The following CDK5RAP2 variants were observed in gnomAD, a reference collection of about 807,000 sequenced individuals.
CDK5RAP2 encodes the protein CDK5 regulatory subunit-associated protein 2.
In CDK5RAP2, 147 loss-of-function variants were observed where a neutral mutation model predicts 232.9. The observed-to-expected ratio is 0.63, with a 90% CI of 0.55 to 0.72. CDK5RAP2 has a LOEUF of 0.72. Among genes scored for constraint, CDK5RAP2 ranks in the 30% least tolerant of loss-of-function variants. The pLI is 0.00. For synonymous variants in CDK5RAP2, 833 were observed against 833.7 expected (o/e 1.00, Z 0.01); for missense variants, 2,195 against 2,231.5 (o/e 0.98, Z 0.33).
chr9:120,491,946 AT>A (rs1051960774), intron 12 of CDK5RAP2, among the ~76,000 whole-genome samples: 2 of 151,814 alleles, frequency 1.3e-5, no homozygotes, highest in East Asian at 1.9e-4. Flanking sequence ...GTAATTTTCC[AT>A]TTTTTTTACT....
intron 4 of CDK5RAP2, 35 bp from the exon 5 acceptor site, chr9:120,545,825 G>A (rs1411148866): frequency 6.6e-7 from 1 of 1,521,438 alleles, no homozygotes; most frequent in Non-Finnish European, 9.1e-7. Context: ...AAGAAACAAT[G>A]TAAAATAGAG....
intron 25 of CDK5RAP2, among the ~76,000 whole-genome samples, chr9:120,432,538 T>G (rs746100348): frequency 6.6e-6 from 1 of 152,218 alleles, no homozygotes; most frequent in Non-Finnish European, 1.5e-5. Flanking sequence ...CCAGACCCCT[T>G]ATATGAATCC....
chr9:120,547,146 G>A (rs1265829708), intron 4 of CDK5RAP2, among the ~76,000 whole-genome samples: 3 of 151,778 alleles, frequency 2.0e-5, no homozygotes, highest in South Asian at 2.1e-4. Flanking sequence ...CTGCAACCAC[G>A]CCCAGCTAAT....
At chr9:120,522,418 A>G (rs1029793184) in intron 11 of CDK5RAP2, among the ~76,000 whole-genome samples, 1 of 152,250 alleles carries the variant, frequency 6.6e-6, no homozygotes, top group African/African-American at 2.4e-5. Context: ...ATGGTCATGG[A>G]ACAAAATACA....
intron 20 of CDK5RAP2, 100 bp from the exon 21 acceptor site, chr9:120,453,973 A>G (rs951268269): frequency 8.2e-7 from 1 of 1,217,208 alleles, no homozygotes; most frequent in South Asian, 1.2e-5. Context: ...TGTTGCCCAG[A>G]TTCCATCAAA....
At chr9:120,539,278 G>T in intron 5 of CDK5RAP2, 114 bp from the exon 6 acceptor site, 3 of 1,308,552 alleles carry the variant, frequency 2.3e-6, no homozygotes, top group Non-Finnish European at 3.2e-6. Context: ...GACCTGTGCT[G>T]AGCTTCTTTT....
chr9:120,557,364 C>T (rs1344024873), intron 3 of CDK5RAP2, among the ~76,000 whole-genome samples: 1 of 152,172 alleles, frequency 6.6e-6, no homozygotes, highest in Admixed American at 6.5e-5. Context: ...GCTTTCTACC[C>T]ACCCCCATCC....
chr9:120,481,794 T>C (rs2038331104), intron 14 of CDK5RAP2, among the ~76,000 whole-genome samples: 3 of 152,208 alleles, frequency 2.0e-5, no homozygotes, highest in Non-Finnish European at 4.4e-5. Flanking sequence ...ATTACAGGCG[T>C]GAGCCACCGT....
intron 12 of CDK5RAP2, among the ~76,000 whole-genome samples, chr9:120,493,474 T>G (rs2039006586): frequency 6.6e-6 from 1 of 152,146 alleles, no homozygotes; most frequent in African/African-American, 2.4e-5. Context: ...GAAGGAATAA[T>G]GAAATCAAAT....
chr9:120,439,813 A>C lies in CDK5RAP2; in HGVS notation c.3308T>G (p.Ile1103Ser), dbSNP rs1224894680. The C allele has an allele frequency of 6.2e-7, 1 of 1,614,092 alleles. No individual in the cohort carries two copies. The highest frequency in any genetic ancestry group is 1.7e-5 in the Admixed American group (1 of 60,020). ...SVMGTDQSESINTSNETEYLK... is the reference protein window; with the variant it reads ...SVMGTDQSESSNTSNETEYLK... ...GTATTCTGTCTCATTTGAGGTATTA[A>C]TGCTCTCTGACTGATCAGTCCCCAT... The change falls in exon 24 of 38, where the codon ATT (isoleucine) becomes AGT (serine). Residue 1103 changes from isoleucine to serine, a missense_variant. Physicochemically the swap from Ile to Ser is moderately radical, Grantham distance 142. Transcript: ENST00000349780.
chr9:120,510,471 C>T (rs1277244728), intron 12 of CDK5RAP2, among the ~76,000 whole-genome samples: 2 of 152,196 alleles, frequency 1.3e-5, no homozygotes, highest in African/African-American at 4.8e-5. Context: ...TTCTCTCCCA[C>T]ACCCACCCTG....
At chr9:120,574,941 G>A (rs191257560) in intron 1 of CDK5RAP2, among the ~76,000 whole-genome samples, 4 of 151,518 alleles carry the variant, frequency 2.6e-5, no homozygotes, top group South Asian at 4.2e-4. Context: ...TACCCCTGAC[G>A]CCTTCCCGGA....
At chr9:120,567,563 G>GA (rs527327588) in intron 3 of CDK5RAP2, among the ~76,000 whole-genome samples, 22 of 152,260 alleles carry the variant, frequency 1.4e-4, no homozygotes, top group African/African-American at 4.8e-4. Context: ...CTGGAATTGG[G>GA]AAAATAACCT....
At chr9:120,464,476 A>C (rs1245040940) in intron 18 of CDK5RAP2, among the ~76,000 whole-genome samples, 2 of 152,126 alleles carry the variant, frequency 1.3e-5, no homozygotes, top group Non-Finnish European at 2.9e-5. Context: ...ATGAATAAAG[A>C]CTTTTTTCAA....
chr9:120,409,853 G>A (rs1008375408), intron 29 of CDK5RAP2, among the ~76,000 whole-genome samples: 1 of 152,238 alleles, frequency 6.6e-6, no homozygotes, highest in Non-Finnish European at 1.5e-5. Context: ...TCCATTTACT[G>A]ACTTCATAAC....
At chr9:120,494,203 C>T (rs2039046330) in intron 12 of CDK5RAP2, among the ~76,000 whole-genome samples, 1 of 150,546 alleles carries the variant, frequency 6.6e-6, no homozygotes, top group Non-Finnish European at 1.5e-5. Flanking sequence ...TATAAATATA[C>T]ATGTTTGTAT....
At chr9:120,425,323 A>G (rs1023600515) in intron 25 of CDK5RAP2, among the ~76,000 whole-genome samples, 1 of 152,212 alleles carries the variant, frequency 6.6e-6, no homozygotes, top group Non-Finnish European at 1.5e-5. Context: ...GGAGATCACA[A>G]CAACTAATGC....
chr9:120,419,704 C>A, intron 27 of CDK5RAP2, 84 bp downstream of exon 27: 1 of 1,048,256 alleles, frequency 9.5e-7, no homozygotes, highest in Non-Finnish European at 1.5e-6. Flanking sequence ...TCAAATGTCA[C>A]CACACTCTGC....
At chr9:120,538,201 G>A (rs1277946619) in intron 6 of CDK5RAP2, among the ~76,000 whole-genome samples, 1 of 152,136 alleles carries the variant, frequency 6.6e-6, no homozygotes, top group African/African-American at 2.4e-5. Context: ...CAATTTAAGG[G>A]CTGATATGAA....
Sources: gnomAD v4.1 joint callset for allele counts (sites outside exome capture counted in the v4.1 genomes callset) on GRCh38, gnomAD v4.1.1 for gene constraint, MANE v1.5 for transcripts, NCBI Gene and HGNC (gene_info 2026-07-23, HGNC 2026-07-21) for gene names.